Variants in KDM4B observed in about 807,000 individuals in gnomAD.
KDM4B encodes lysine demethylase 4B.
A neutral mutation model predicts 125.2 loss-of-function variants in KDM4B; 32 were observed. The observed-to-expected ratio is 0.26, with a 90% confidence interval of 0.19 to 0.34. The LOEUF (loss-of-function observed/expected upper bound fraction) is 0.34. Ranked by LOEUF, KDM4B falls within the 10% of genes least tolerant of loss-of-function variation. The pLI, the probability that KDM4B is intolerant of heterozygous loss-of-function variation, is 1.00. For missense variants in KDM4B, 1,190 were observed against 1,577.7 expected (o/e 0.75, Z 4.16); for synonymous variants, 721 against 677.9 (o/e 1.06, Z -0.99).
rs527870477 is a variant in KDM4B, at chr19:5,060,290, T to C, written c.627-10720T>C. Among the ~76,000 whole-genome samples the C allele has an allele frequency of 3.1e-4, 47 of 151,784 alleles. No individual in the cohort carries two copies. In the East Asian group the frequency reaches 8.9e-3, roughly 29 times the overall value. Reference sequence around the variant, plus strand: ...CCCGTCTCTATTAAAAATACAAAAATTAGCCGGGTGTTGTGGTGGGTGCCT... The same window carrying C: ...CCCGTCTCTATTAAAAATACAAAAACTAGCCGGGTGTTGTGGTGGGTGCCT... On this transcript the variant is annotated intron_variant, in intron 6 of 22. Coordinates refer to ENST00000159111, the MANE Select transcript of KDM4B (RefSeq NM_015015.3).
chr19:5,109,842 T>C (rs899585688), intron 9 of KDM4B, among the ~76,000 whole-genome samples: 2 of 152,192 alleles, frequency 1.3e-5, no homozygotes, highest in Admixed American at 1.3e-4. Flanking sequence ...TTCTCTCAGC[T>C]CTTTGGGGAC....
At chr19:5,137,906 G>C (rs2039677741) in intron 17 of KDM4B, 56 bp from the exon 18 acceptor site, 1 of 1,472,954 alleles carries the variant, frequency 6.8e-7, no homozygotes, top group Admixed American at 1.9e-5. Flanking sequence ...CAGCCCCTCT[G>C]TGACCAGCCC....
chr19:5,114,310 C>A lies in KDM4B; in HGVS notation c.1115+3492C>A. On this transcript the variant is annotated intron_variant, in intron 10 of 22. Coordinates refer to ENST00000159111, the MANE Select transcript of KDM4B (RefSeq NM_015015.3). This position sits in a 1 kb window ranked among gnomAD's most constrained non-coding sequence, Gnocchi z 5.8. ...CTCTGTGAGCCCGGCTGGGCCCAGG[C>A]CTCGTCTCCCCTACCCCTCCGAGCT... is the stretch of plus-strand genomic sequence containing the variant. The A allele has an allele frequency of 9.4e-7, 1 of 1,058,766 alleles. No individual in the cohort carries two copies. Among genetic ancestry groups the A allele is most frequent in the Non-Finnish European group, 1.3e-6 (1 of 777,798 alleles). The allele number at this position is 1,058,766 out of a possible 1,614,324, so 65.6% of individuals were successfully genotyped here. A position where few individuals can be genotyped will look rare whatever the true frequency, so the allele number is the denominator to read the frequency against.
chr19:4,982,119 C>T (rs148915675), intron 1 of KDM4B, among the ~76,000 whole-genome samples: 2,530 of 151,448 alleles, frequency 0.017, 64 homozygotes, highest in Admixed American at 0.068. Context: ...GGCAAAACCC[C>T]GTCTCTACTA....
chr19:5,103,374 G>A (rs896461861), intron 9 of KDM4B, among the ~76,000 whole-genome samples: 12 of 152,212 alleles, frequency 7.9e-5, no homozygotes, highest in East Asian at 1.9e-4. Flanking sequence ...GTCGGGTCCC[G>A]CTCTGCATAA....
intron 18 of KDM4B, among the ~76,000 whole-genome samples, chr19:5,139,007 C>T (rs2039697153): frequency 6.6e-6 from 1 of 152,190 alleles, no homozygotes; most frequent in East Asian, 1.9e-4. Flanking sequence ...TCTGCAGCCT[C>T]AAACTCCTGG....
chr19:5,025,646 G>A (rs1210345680), intron 2 of KDM4B, among the ~76,000 whole-genome samples: 1 of 152,172 alleles, frequency 6.6e-6, no homozygotes, highest in Non-Finnish European at 1.5e-5. Context: ...CCTCGATCCT[G>A]CCGCCTCCTC....
chr19:5,082,540 G>T lies in KDM4B; in HGVS notation c.918+36G>T, dbSNP rs1288262860. Reference sequence around the variant, plus strand: ...GCCTGCTGGGAACGGGTCCCAGCAGGGCGGGAGGAGGCTCTTTTTTGCCTC... The same window carrying T: ...GCCTGCTGGGAACGGGTCCCAGCAGTGCGGGAGGAGGCTCTTTTTTGCCTC... On this transcript the variant is annotated intron_variant, in intron 9 of 22. Coordinates refer to ENST00000159111, the MANE Select transcript of KDM4B (RefSeq NM_015015.3). The surrounding 1 kb of genome is among the most constrained non-coding windows in gnomAD (Gnocchi z 5.4). The T allele has an allele frequency of 1.3e-6, 2 of 1,534,804 alleles. No homozygotes were observed. Among genetic ancestry groups the T allele is most frequent in the Non-Finnish European group, 1.7e-6 (2 of 1,146,458 alleles).
chr19:5,076,808 C>T (rs535054582), intron 7 of KDM4B: 2 of 158,474 alleles, frequency 1.3e-5, no homozygotes, highest in Non-Finnish European at 2.8e-5. Context: ...GTCCTTTCCC[C>T]AGGGTCATGT....
At chr19:5,029,123 C>G (rs1362833259) in intron 2 of KDM4B, among the ~76,000 whole-genome samples, 1 of 152,214 alleles carries the variant, frequency 6.6e-6, no homozygotes, top group Non-Finnish European at 1.5e-5. Flanking sequence ...GTTGCTTATG[C>G]TGATGTCAAA....
intron 11 of KDM4B, among the ~76,000 whole-genome samples, chr19:5,126,779 C>A (rs910415612): frequency 6.6e-6 from 1 of 152,186 alleles, no homozygotes; most frequent in Non-Finnish European, 1.5e-5. Context: ...GGGAGGGTGG[C>A]AGTGTTGAAG....
chr19:4,999,938 C>CCA (rs2035322561), intron 1 of KDM4B, among the ~76,000 whole-genome samples: 1 of 146,810 alleles, frequency 6.8e-6, no homozygotes, highest in African/African-American at 2.5e-5. Context: ...CCCACCCACC[C>CCA]ACCTATCCAT....
intron 10 of KDM4B, chr19:5,113,886 G>A: frequency 8.4e-7 from 1 of 1,195,424 alleles, no homozygotes; most frequent in Non-Finnish European, 1.1e-6. Context: ...GTGTTTACCA[G>A]GTGCCCCATG....
intron 1 of KDM4B, among the ~76,000 whole-genome samples, chr19:4,984,962 G>A (rs1178511030): frequency 2.0e-5 from 3 of 152,152 alleles, no homozygotes; most frequent in African/African-American, 4.8e-5. Flanking sequence ...GTCACAGTGG[G>A]TGTTACCCTA....
intron 7 of KDM4B, among the ~76,000 whole-genome samples, chr19:5,071,356 C>T (rs1051829606): frequency 6.6e-6 from 1 of 152,232 alleles, no homozygotes; most frequent in Non-Finnish European, 1.5e-5. Context: ...CAAAGGCTGC[C>T]AGGGCCCAGG....
chr19:4,981,269 C>T (rs1054768188), intron 1 of KDM4B, among the ~76,000 whole-genome samples: 2 of 152,124 alleles, frequency 1.3e-5, no homozygotes, highest in Admixed American at 1.3e-4. Flanking sequence ...GTGAGCAGGA[C>T]CCCTGAGTCC....
At chr19:5,125,815 C>T (rs1212375183) in intron 11 of KDM4B, among the ~76,000 whole-genome samples, 1 of 98,096 alleles carries the variant, frequency 1.0e-5, no homozygotes, top group African/African-American at 4.1e-5. Context: ...CTCTGTTCCA[C>T]GACAGAGACT....
chr19:5,077,215 C>A lies in KDM4B; in HGVS notation c.677-152C>A, dbSNP rs2038144676. The stretch of plus-strand genomic sequence containing the variant: ...CCCCCGACCTGCAGGCACTGGGGCC[C>A]TGAGAACCAAGGGCAGATCTGGGCC... On this transcript the variant is annotated intron_variant, in intron 7 of 22. Transcript: ENST00000159111. 8.8e-6 allele frequency: 6 copies of A among 684,430 alleles called. 1 individual carries two copies. The highest frequency in any genetic ancestry group is 5.3e-5 in the African/African-American group (3 of 56,166). 42.4% of individuals were successfully genotyped at this position (684,430 alleles called of 1,614,324 possible). A position where few individuals can be genotyped will look rare whatever the true frequency, so the allele number is the denominator to read the frequency against.
intron 1 of KDM4B, among the ~76,000 whole-genome samples, chr19:4,980,848 C>T (rs534050849): frequency 2.0e-5 from 3 of 150,222 alleles, no homozygotes; most frequent in African/African-American, 5.0e-5. Context: ...ATCCTCTCCC[C>T]AGTCTGTGGC....
Sources: allele counts gnomAD v4.1 joint callset (sites outside exome capture counted in the v4.1 genomes callset), GRCh38; gene constraint gnomAD v4.1.1; non-coding constraint Gnocchi (gnomAD v3.1); transcripts MANE v1.5; gene names NCBI Gene and HGNC (gene_info 2026-07-23, HGNC 2026-07-21).